The following LAYN variants were observed in gnomAD, a reference collection of about 807,000 sequenced individuals.
LAYN encodes the protein layilin.
In LAYN, 38 loss-of-function variants were observed where a neutral mutation model predicts 43.6. The observed-to-expected ratio is 0.87, with a 90% confidence interval of 0.67 to 1.14. LAYN has a LOEUF of 1.14. Among genes scored for constraint, LAYN ranks in the 50% most tolerant of loss-of-function variants. The pLI is 0.00. For missense variants in LAYN, 479 were observed against 463.8 expected, an observed-to-expected ratio of 1.03 and a Z score of -0.30; for synonymous variants, 168 against 172.9, an observed-to-expected ratio of 0.97 and a Z score of 0.22.
At chr11:111,559,416 G>A (rs1365315780) in intron 6 of LAYN, among the ~76,000 whole-genome samples, 1 of 151,636 alleles carries the variant, frequency 6.6e-6, no homozygotes, top group Admixed American at 6.6e-5. Context: ...TGGATGAGTC[G>A]TGTTTTTTGT....
At position 111,560,341 on chromosome 11, in the gene LAYN, G is replaced by T. The variant is rs777858157; in HGVS notation, c.1008G>T (p.Val336=). ...MAVNPSESGF[V]TLVSVESGFV... The stretch of plus-strand genomic sequence containing the variant: ...TGAACCCATCAGAAAGTGGGTTTGT[G>T]ACTCTGGTGAGCGTGGAGAGTGGAT... The change falls in exon 7 of 7, where the codon GTG becomes GTT. Residue 336 remains valine, a synonymous_variant. Transcript: ENST00000375614. The T allele has an allele frequency of 1.9e-6, 3 of 1,614,220 alleles. No homozygotes were observed. In the Admixed American group the frequency reaches 5.0e-5, roughly 27 times the overall value.
chr11:111,559,436 T>TTTATTTTATTTTATTTTA (rs1373797871), intron 6 of LAYN, among the ~76,000 whole-genome samples: 1 of 151,526 alleles, frequency 6.6e-6, no homozygotes, highest in Non-Finnish European at 1.5e-5. Flanking sequence ...TTGTTTTGGT[T>TTTATTTTATTTTATTTTA]TTATTTTATT....
At chr11:111,557,029 A>C (rs1271645818) in intron 5 of LAYN, among the ~76,000 whole-genome samples, 3 of 152,138 alleles carry the variant, frequency 2.0e-5, no homozygotes, top group African/African-American at 7.2e-5. Flanking sequence ...AATGACACTG[A>C]AACTTCTGGC....
intron 1 of LAYN, chr11:111,541,498 G>A: frequency 6.7e-7 from 1 of 1,482,734 alleles, no homozygotes; most frequent in East Asian, 2.5e-5. Flanking sequence ...GTTAGTGTGG[G>A]ACGAGCCCCA....
At chr11:111,540,617 G>A (rs961010502), upstream of LAYN, 2 of 503,768 alleles carry the variant, frequency 4.0e-6, no homozygotes, top group African/African-American at 4.1e-5. Context: ...CGCTGGAGGA[G>A]GCTGTCGGGG....
rs945109620 is a variant in LAYN at position 111,550,117 on chromosome 11, G to A, written c.541+342G>A. ...ACTCTTTCCACATGTGAGGTTGGCT[G>A]TAGGGGCTTAGAATAAGCTGGCCAT... On this transcript the variant is annotated intron_variant, in intron 3 of 6. Coordinates refer to ENST00000375614, the MANE Select transcript of LAYN (RefSeq NM_178834.5). 3.3e-5 allele frequency among the ~76,000 whole-genome samples: 5 copies of A among 152,226 alleles called. No homozygotes were observed. The South Asian group carries it at 6.2e-4, about 19-fold the overall frequency.
In LAYN at chr11:111,553,486, G is replaced by T. The variant is rs140085277; in HGVS notation, c.542-1075G>T. 5.2e-3 allele frequency among the ~76,000 whole-genome samples: 789 copies of T among 151,842 alleles called. 8 individuals carry two copies. The highest frequency in any genetic ancestry group is 0.018 in the African/African-American group (744 of 41,370). On this transcript the variant is annotated intron_variant, in intron 3 of 6. Transcript: ENST00000375614. ...AGTACAAAATTAGCCAGGCATGGTG[G>T]CGCATGCCTATAATCCCAGCTACTT...
chr11:111,541,497 G>C, intron 1 of LAYN: 1 of 1,475,218 alleles, frequency 6.8e-7, no homozygotes, highest in East Asian at 2.5e-5. Flanking sequence ...AGTTAGTGTG[G>C]GACGAGCCCC....
Position 111,540,722 on chromosome 11 carries a change from G to T in LAYN, c.-122G>T. On this transcript the variant is annotated 5_prime_UTR_variant, in exon 1 of 7. Transcript: ENST00000375614. ...CCGCGCCCTCCCCCCCGCCTCCCGTGCGGTCCGTCGGTGGCCTAGAGATGC... is the reference window on the plus strand; with the variant it reads ...CCGCGCCCTCCCCCCCGCCTCCCGTTCGGTCCGTCGGTGGCCTAGAGATGC... 1 of 934,028 alleles carries T rather than the reference G, an allele frequency of 1.1e-6. No individual in the cohort carries two copies. The highest frequency in any genetic ancestry group is 3.4e-5 in the Admixed American group (1 of 29,628). The allele number at this position is 934,028 out of a possible 1,614,324, so 57.9% of individuals were successfully genotyped here.
intron 1 of LAYN, 134 bp downstream of exon 1, chr11:111,541,062 T>G (rs1867527042): frequency 2.5e-6 from 2 of 808,542 alleles, no homozygotes; most frequent in African/African-American, 3.5e-5. Flanking sequence ...ACGCAGCCCT[T>G]CGGAGTCTCT....
intron 6 of LAYN, 47 bp from the exon 7 acceptor site, chr11:111,560,048 C>G: frequency 1.3e-6 from 2 of 1,546,022 alleles, no homozygotes; most frequent in Non-Finnish European, 1.7e-6. Context: ...AGGGTATTCT[C>G]AATCACCTGG....
intron 5 of LAYN, among the ~76,000 whole-genome samples, chr11:111,556,957 T>C (rs1296366462): frequency 6.6e-6 from 1 of 152,200 alleles, no homozygotes; most frequent in East Asian, 1.9e-4. Flanking sequence ...CTAATTGGTC[T>C]TAGAAATGTC....
chr11:111,540,880 G>A lies in LAYN; in HGVS notation c.37G>A (p.Ala13Thr), dbSNP rs1330011165. 1.3e-6 allele frequency: 2 copies of A among 1,532,448 alleles called. No individual in the cohort carries two copies. The highest frequency in any genetic ancestry group is 2.0e-5 in the Admixed American group (1 of 50,906). The allele number at this position is 1,532,448 out of a possible 1,614,324, so 94.9% of individuals were successfully genotyped here. A position where few individuals can be genotyped will look rare whatever the true frequency, so the allele number is the denominator to read the frequency against. Reference sequence around the variant, plus strand: ...AACCGCGCTACAGGCCGTGCTGCTGGCCGTGCTGCTGGTGGGGCTGCGGGC... The same window carrying A: ...AACCGCGCTACAGGCCGTGCTGCTGACCGTGCTGCTGGTGGGGCTGCGGGC... ...PGTALQAVLLAVLLVGLRAAT... is the reference protein window; with the variant it reads ...PGTALQAVLLTVLLVGLRAAT... The change falls in exon 1 of 7, where the codon GCC becomes ACC. Residue 13 changes from alanine (A) to threonine (T), a missense_variant. Transcript: ENST00000375614.
chr11:111,551,949 A>C (rs548927323), intron 3 of LAYN, among the ~76,000 whole-genome samples: 1 of 152,186 alleles, frequency 6.6e-6, no homozygotes, highest in South Asian at 2.1e-4. Context: ...AATCTTTAGG[A>C]GTAAAGGGGC....
chr11:111,557,617 A>T lies in LAYN; in HGVS notation c.735A>T (p.Val245=), dbSNP rs1477636955. The T allele has an allele frequency of 6.2e-7, 1 of 1,614,050 alleles. No individual in the cohort carries two copies. Among genetic ancestry groups the T allele is most frequent in the Admixed American group, 1.7e-5 (1 of 60,026 alleles). Residue 245 remains valine, a synonymous_variant, in exon 6 of 7, where the codon GTA becomes GTT. Transcript: ENST00000375614. ...LLLLLVVTTV[V]CWVWICRKRK... ...TCCTCCTTGTGGTCACCACAGTTGT[A>T]TGTTGGGTTTGGATCTGTAGAAAAA...
At position 111,560,588 on chromosome 11, in the gene LAYN, G is replaced by T; in HGVS notation, c.*130G>T. ...ATCAGGTCCTGTGGATGAGCATGTG[G>T]TCCCCACGACCTCCTGTTGGACCCC... is the stretch of plus-strand genomic sequence containing the variant. On this transcript the variant is annotated 3_prime_UTR_variant, in exon 7 of 7. Coordinates refer to ENST00000375614, the MANE Select transcript of LAYN (RefSeq NM_178834.5). The T allele has an allele frequency of 9.5e-7, 1 of 1,048,696 alleles. No individual in the cohort carries two copies. Among genetic ancestry groups the T allele is most frequent in the South Asian group, 1.7e-5 (1 of 57,672 alleles). The allele number at this position is 1,048,696 out of a possible 1,614,324, so 65.0% of individuals were successfully genotyped here. A position where few individuals can be genotyped will look rare whatever the true frequency, so the allele number is the denominator to read the frequency against.
chr11:111,540,402 G>A (rs1011433892), upstream of LAYN: 7 of 184,396 alleles, frequency 3.8e-5, no homozygotes, highest in African/African-American at 1.7e-4. Context: ...GCTAAGGTCA[G>A]CGGGAGAGGA....
Position 111,560,144 on chromosome 11 carries a change from C to T in LAYN, c.811C>T (p.Pro271Ser), listed in dbSNP as rs1172811737. The change falls in exon 7 of 7, where the codon CCC (proline) becomes TCC (serine). Residue 271 changes from proline (P) to serine (S), a missense_variant. Coordinates refer to ENST00000375614, the MANE Select transcript of LAYN (RefSeq NM_178834.5). ...CACAAAGAAGCAACACACCATCTGG[C>T]CCTCTCCTCACCAGGGAAACAGCCC... ...PSTKKQHTIW[P>S]SPHQGNSPDL... The T allele has an allele frequency of 6.2e-7, 1 of 1,614,150 alleles. No homozygotes were observed. Among genetic ancestry groups the T allele is most frequent in the South Asian group, 1.1e-5 (1 of 91,074 alleles).
Position 111,540,791 on chromosome 11 carries a change from CCCGCT to C in LAYN, c.-50_-46del. On this transcript the variant is annotated 5_prime_UTR_variant, in exon 1 of 7. It introduces an in-frame stop codon into an upstream open reading frame of the 5' UTR. Coordinates refer to ENST00000375614, the MANE Select transcript of LAYN (RefSeq NM_178834.5). ...TGTCGCGCACGCCTCTGCCCGCCAG[CCCGCT>C]CCACCGCCGTAGCGCCCGAGTGTCG... 6.7e-7 allele frequency: 1 copy of C among 1,490,046 alleles called. No individual in the cohort carries two copies. The highest frequency in any genetic ancestry group is 8.9e-7 in the Non-Finnish European group (1 of 1,121,928). The allele number at this position is 1,490,046 out of a possible 1,614,324, so 92.3% of individuals were successfully genotyped here. A position where few individuals can be genotyped will look rare whatever the true frequency, so the allele number is the denominator to read the frequency against.
Sources: gnomAD v4.1 joint callset for allele counts (sites outside exome capture counted in the v4.1 genomes callset) on GRCh38, gnomAD v4.1.1 for gene constraint, MANE v1.5 for transcripts, NCBI Gene and HGNC (gene_info 2026-07-23, HGNC 2026-07-21) for gene names.